The following KDM3B variants were observed in gnomAD, a reference collection of about 807,000 sequenced individuals.
KDM3B encodes the protein lysine demethylase 3B.
KDM3B carries 10 observed loss-of-function variants against 170.0 expected under a neutral mutation model. That is an observed-to-expected ratio of 0.06 (90% CI 0.04 to 0.10). The LOEUF (loss-of-function observed/expected upper bound fraction) is 0.10. KDM3B is among the 10% of genes least tolerant of loss of function. The pLI, the probability that KDM3B is intolerant of heterozygous loss-of-function variation, is 1.00. For missense variants in KDM3B, 1,394 were observed against 2,195.2 expected (o/e 0.64, Z 7.29); for synonymous variants, 831 against 834.8 (o/e 1.00, Z 0.08).
intron 11 of KDM3B, among the ~76,000 whole-genome samples, chr5:138,409,751 C>G (rs983847444): frequency 5.3e-5 from 8 of 152,010 alleles, no homozygotes; most frequent in Non-Finnish European, 1.2e-4. Context: ...GATCCCATCT[C>G]TACAAAAAAA....
intron 1 of KDM3B, among the ~76,000 whole-genome samples, chr5:138,365,307 C>A (rs55946397): frequency 2.0e-5 from 3 of 152,068 alleles, no homozygotes. Flanking sequence ...GTCTCCCAGC[C>A]TGGAGTACGA....
chr5:138,394,139 C>T (rs1264827067), intron 9 of KDM3B, among the ~76,000 whole-genome samples: 2 of 152,120 alleles, frequency 1.3e-5, no homozygotes, highest in East Asian at 1.9e-4. Flanking sequence ...TTAACTCCAG[C>T]ACTTTGGGAG....
At chr5:138,426,370 C>T (rs1311305251) in intron 17 of KDM3B, among the ~76,000 whole-genome samples, 2 of 150,736 alleles carry the variant, frequency 1.3e-5, no homozygotes, top group South Asian at 2.1e-4. Flanking sequence ...GTAAGGAGAT[C>T]GAGACCATCC....
At chr5:138,377,888 T>C in intron 4 of KDM3B, 63 bp downstream of exon 4, 1 of 1,211,404 alleles carries the variant, frequency 8.3e-7, no homozygotes, top group South Asian at 1.3e-5. Flanking sequence ...TGTTGAGTGA[T>C]AGTATGGAAT....
intron 6 of KDM3B, among the ~76,000 whole-genome samples, chr5:138,384,733 C>T (rs981881518): frequency 8.2e-6 from 1 of 122,346 alleles, no homozygotes; most frequent in Non-Finnish European, 1.7e-5. Flanking sequence ...GAGCGAAACT[C>T]TTGTCTCAAA....
intron 20 of KDM3B, 119 bp downstream of exon 20, chr5:138,428,205 G>GTT (rs763859008): frequency 3.7e-3 from 2,769 of 758,344 alleles, no homozygotes; most frequent in South Asian, 7.9e-3. Context: ...TCTTTTTTCT[G>GTT]TTTTTTTTTT....
Position 138,417,767 on chromosome 5 carries a change from C to G in KDM3B, c.3435+157C>G, listed in dbSNP as rs1763140508. On this transcript the variant is annotated intron_variant, in intron 13 of 23. Transcript: ENST00000314358. ...TAGAGAGAGCTTAAATAACTTTACT[C>G]AAAGGATTTTAATTACCCCTGATTG... 5 of 705,640 alleles carry G rather than the reference C, an allele frequency of 7.1e-6. No individual in the cohort carries two copies. The South Asian group carries it at 7.7e-5, about 11-fold the overall frequency. 43.7% of individuals were successfully genotyped at this position (705,640 alleles called of 1,614,324 possible).
chr5:138,365,076 T>G (rs1761711580), intron 1 of KDM3B, among the ~76,000 whole-genome samples: 1 of 152,190 alleles, frequency 6.6e-6, no homozygotes, highest in Non-Finnish European at 1.5e-5. Flanking sequence ...ATCCCACAGT[T>G]GTGTAACATT....
At chr5:138,393,447 A>T (rs899312036) in intron 9 of KDM3B, 75 bp downstream of exon 9, 2 of 1,178,454 alleles carry the variant, frequency 1.7e-6, no homozygotes, top group Admixed American at 4.2e-5. Flanking sequence ...CTCTGAGTCT[A>T]TAAACATGTT....
chr5:138,430,620 T>A (rs1763506583), intron 22 of KDM3B, among the ~76,000 whole-genome samples, 195 bp downstream of exon 22: 1 of 152,194 alleles, frequency 6.6e-6, no homozygotes, highest in Non-Finnish European at 1.5e-5. Flanking sequence ...GCGGTCCTGG[T>A]AGCTCAACGC....
intron 1 of KDM3B, among the ~76,000 whole-genome samples, chr5:138,372,210 C>G (rs1346326795): frequency 2.6e-5 from 4 of 152,146 alleles, no homozygotes; most frequent in Non-Finnish European, 4.4e-5. Context: ...GCATACATCA[C>G]CTATTCAAAA....
At chr5:138,415,526 C>T (rs1219403104) in intron 12 of KDM3B, among the ~76,000 whole-genome samples, 1 of 152,084 alleles carries the variant, frequency 6.6e-6, no homozygotes, top group Non-Finnish European at 1.5e-5. Context: ...CAGCCTTGAA[C>T]TCCTGACCTC....
chr5:138,420,584 T>TG lies in KDM3B; in HGVS notation c.3716-116dup, dbSNP rs1360615560. The stretch of plus-strand genomic sequence containing the variant: ...TGACCCAAACAAACCATACACAGTT[T>TG]GGGGGGTGCAAGGGAAAGGAGAGAA... On this transcript the variant is annotated intron_variant, in intron 14 of 23. Transcript: ENST00000314358. The TG allele has an allele frequency of 5.7e-5, 61 of 1,061,456 alleles. No individual in the cohort carries two copies. The Middle Eastern group carries it at 1.0e-3, about 17-fold the overall frequency. The allele number at this position is 1,061,456 out of a possible 1,614,324, so 65.8% of individuals were successfully genotyped here. A position where few individuals can be genotyped will look rare whatever the true frequency, so the allele number is the denominator to read the frequency against.
chr5:138,354,084 ATGT>A (rs1384735140), intron 1 of KDM3B, among the ~76,000 whole-genome samples: 6 of 152,136 alleles, frequency 3.9e-5, no homozygotes, highest in Middle Eastern at 3.2e-3. Context: ...TTTGGAAGTA[ATGT>A]TGTAGGCTTC....
chr5:138,403,418 G>A (rs1343253119), intron 11 of KDM3B, among the ~76,000 whole-genome samples: 2 of 152,164 alleles, frequency 1.3e-5, no homozygotes, highest in Non-Finnish European at 2.9e-5. Context: ...GCTCATGCCT[G>A]TAATCTCAGC....
chr5:138,401,100 G>A (rs1762681273), intron 11 of KDM3B, among the ~76,000 whole-genome samples: 1 of 151,872 alleles, frequency 6.6e-6, no homozygotes, highest in Non-Finnish European at 1.5e-5. Flanking sequence ...GTGAAACCCT[G>A]TCTCTACTAA....
chr5:138,413,083 A>G (rs188728128), intron 11 of KDM3B, among the ~76,000 whole-genome samples: 4 of 152,292 alleles, frequency 2.6e-5, no homozygotes, highest in African/African-American at 4.8e-5. Flanking sequence ...AATGGCTACA[A>G]TTCTTAAAAC....
chr5:138,424,465 T>C, intron 16 of KDM3B, 124 bp downstream of exon 16: 2 of 1,127,078 alleles, frequency 1.8e-6, no homozygotes, highest in Non-Finnish European at 1.3e-6. Flanking sequence ...GTAATAGCCT[T>C]GCTACTTCGA....
chr5:138,365,640 AT>A (rs1486473682), intron 1 of KDM3B, among the ~76,000 whole-genome samples: 1 of 151,814 alleles, frequency 6.6e-6, no homozygotes, highest in African/African-American at 2.4e-5. Context: ...AGTTTCTTCC[AT>A]CCATATCTTC....
Sources: gnomAD v4.1 joint callset for allele counts (sites outside exome capture counted in the v4.1 genomes callset) on GRCh38, gnomAD v4.1.1 for gene constraint, MANE v1.5 for transcripts, NCBI Gene and HGNC (gene_info 2026-07-23, HGNC 2026-07-21) for gene names.